ZDHHC16: variants seen among roughly 807,000 people sequenced by gnomAD.
The protein encoded by ZDHHC16 is zDHHC palmitoyltransferase 16.
ZDHHC16 carries 33 observed loss-of-function variants against 54.4 expected under a neutral mutation model. The observed-to-expected ratio is 0.61, with a 90% CI of 0.46 to 0.81. The LOEUF (loss-of-function observed/expected upper bound fraction) is 0.81, where lower values mean the gene tolerates loss of function less well. ZDHHC16 is among the 30% of genes least tolerant of loss of function. The pLI is 0.00. For synonymous variants in ZDHHC16, 185 were observed against 182.1 expected (o/e 1.02, Z -0.13); for missense variants, 420 against 485.9 (o/e 0.86, Z 1.28).
chr10:97,453,626 G>A lies in ZDHHC16; in HGVS notation c.653G>A (p.Ser218Asn). ...GGCTGTGTCTACTGCAGCTATGGAA[G>A]TTGGGACCTTTTCCGGGAGGCTTAT... ...TLGCVYCSYG[S>N]WDLFREAYAA... Residue 218 changes from serine to asparagine, a missense_variant, in exon 7 of 12, where the codon AGT (serine) becomes AAT (asparagine). By Grantham distance (46) the Ser-to-Asn change is conservative. Transcript: ENST00000393760. 2 of 1,614,216 alleles carry A rather than the reference G, an allele frequency of 1.2e-6. No homozygotes were observed. The highest frequency in any genetic ancestry group is 1.7e-6 in the Non-Finnish European group (2 of 1,180,046).
At chr10:97,452,704 A>G in intron 5 of ZDHHC16, 191 bp from the exon 6 acceptor site, 2 of 929,246 alleles carry the variant, frequency 2.2e-6, no homozygotes, top group Non-Finnish European at 3.3e-6. Flanking sequence ...CGAGGTTTGG[A>G]GAGATGAGTT....
intron 5 of ZDHHC16, 195 bp downstream of exon 5, chr10:97,452,698 G>T: frequency 1.1e-6 from 1 of 934,580 alleles, no homozygotes; most frequent in Non-Finnish European, 1.6e-6. Context: ...GAAAACCGAG[G>T]TTTGGAGAGA....
chr10:97,451,550 C>A, intron 2 of ZDHHC16, 121 bp from the exon 3 acceptor site: 2 of 1,378,548 alleles, frequency 1.5e-6, no homozygotes, highest in South Asian at 1.4e-5. Flanking sequence ...CAGTTGGTGA[C>A]TGGCCTAGCT....
chr10:97,452,430 G>A lies in ZDHHC16; in HGVS notation c.454G>A (p.Ala152Thr), dbSNP rs151287328. 1.2e-5 allele frequency: 19 copies of A among 1,613,996 alleles called. No individual in the cohort carries two copies. Among genetic ancestry groups the A allele is most frequent in the Admixed American group, 6.7e-5 (4 of 59,990 alleles). ...GYPPQGRNDI[A>T]TVSICKKCIY... ...CTTCACACAGGGCAGGAATGATATCGCCACCGTCTCCATCTGTAAGAAGTG... is the reference window on the plus strand; with the variant it reads ...CTTCACACAGGGCAGGAATGATATCACCACCGTCTCCATCTGTAAGAAGTG... The change falls in exon 5 of 12, where the codon GCC becomes ACC. Residue 152 changes from alanine (A) to threonine (T), a missense_variant. Physicochemically the swap from Ala to Thr is moderately conservative, Grantham distance 58. Coordinates refer to ENST00000393760, the MANE Select transcript of ZDHHC16 (RefSeq NM_198046.3).
chr10:97,452,945 T>C (rs1285306165), intron 6 of ZDHHC16, 22 bp downstream of exon 6: 1 of 1,614,216 alleles, frequency 6.2e-7, no homozygotes, highest in Admixed American at 1.7e-5. Context: ...CTTTCTCTTC[T>C]GCCTGAGGCC....
chr10:97,454,658 C>T lies in ZDHHC16; in HGVS notation c.739-56C>T, dbSNP rs138470089. The T allele has an allele frequency of 3.5e-5, 50 of 1,447,872 alleles. No individual in the cohort carries two copies. In the African/African-American group the frequency reaches 6.2e-4, roughly 18 times the overall value. The allele number at this position is 1,447,872 out of a possible 1,614,324, so 89.7% of individuals were successfully genotyped here. ...ATTTCCTGCCTATAGGTGCTGGGGG[C>T]AGTTGCTGGAGACCCACAGAGCAAA... On this transcript the variant is annotated intron_variant, in intron 8 of 11. Transcript: ENST00000393760.
chr10:97,450,161 G>A (rs1273425118), intron 1 of ZDHHC16, among the ~76,000 whole-genome samples, 196 bp from the exon 2 acceptor site: 5 of 152,128 alleles, frequency 3.3e-5, no homozygotes, highest in African/African-American at 9.7e-5. Context: ...GTGAGCCACC[G>A]TGCCCGGCCT....
At chr10:97,456,251 G>T (rs1160770474) in intron 11 of ZDHHC16, 2 of 538,300 alleles carry the variant, frequency 3.7e-6, no homozygotes, top group African/African-American at 3.8e-5. Flanking sequence ...GCTTCAACGT[G>T]ACTACAGTGG....
chr10:97,455,932 A>C, intron 10 of ZDHHC16, 42 bp from the exon 11 acceptor site: 1 of 1,613,048 alleles, frequency 6.2e-7, no homozygotes, highest in Non-Finnish European at 8.5e-7. Context: ...ATTTAGTCTG[A>C]AAAATTAGAA....
intron 6 of ZDHHC16, 40 bp downstream of exon 6, chr10:97,452,963 G>A: frequency 6.2e-7 from 1 of 1,614,002 alleles, no homozygotes; most frequent in South Asian, 1.1e-5. Context: ...GCCTTCTTTA[G>A]CTCCAGAGCA....
chr10:97,449,853 C>T (rs898572798), intron 1 of ZDHHC16, among the ~76,000 whole-genome samples: 1 of 123,234 alleles, frequency 8.1e-6, no homozygotes, highest in African/African-American at 3.3e-5. Context: ...TCTACACTCC[C>T]CTTAATTCTT....
At chr10:97,448,177 C>T (rs1308437618) in intron 1 of ZDHHC16, 1 of 152,230 alleles carries the variant, frequency 6.6e-6, no homozygotes, top group Non-Finnish European at 1.5e-5. Context: ...GTATTTCTCT[C>T]TTTATGAATC....
Position 97,451,942 on chromosome 10 carries a change from A to C in ZDHHC16, c.243+24A>C, listed in dbSNP as rs1359540218. On this transcript the variant is annotated intron_variant, in intron 3 of 11. Transcript: ENST00000393760. ...TGGTGAGTGATGTCCAGGGAGCAGG[A>C]AAAGGGGTGTTGTGGGGAGCAGAGG... 3 of 1,598,298 alleles carry C rather than the reference A, an allele frequency of 1.9e-6. No homozygotes were observed. In the East Asian group the frequency reaches 6.7e-5, roughly 36 times the overall value.
chr10:97,451,530 C>CT, intron 2 of ZDHHC16, 141 bp from the exon 3 acceptor site: 1 of 1,178,000 alleles, frequency 8.5e-7, no homozygotes. Context: ...AGTAACCTTC[C>CT]TACTTCTCAC....
In ZDHHC16 at chr10:97,453,866, C is replaced by A; in HGVS notation, c.738+20C>A. On this transcript the variant is annotated intron_variant, in intron 8 of 11. Coordinates refer to ENST00000393760, the MANE Select transcript of ZDHHC16 (RefSeq NM_198046.3). ...AACCAGGTGGGCTGTCCCCACCCCACTGCCTCCTGCTGCTCAGGCCTGGGG... is the reference window on the plus strand; with the variant it reads ...AACCAGGTGGGCTGTCCCCACCCCAATGCCTCCTGCTGCTCAGGCCTGGGG... The A allele has an allele frequency of 6.2e-7, 1 of 1,614,060 alleles. No homozygotes were observed. Among genetic ancestry groups the A allele is most frequent in the Non-Finnish European group, 8.5e-7 (1 of 1,180,002 alleles).
intron 9 of ZDHHC16, among the ~76,000 whole-genome samples, chr10:97,455,294 A>G (rs1220612573): frequency 1.3e-5 from 2 of 152,168 alleles, no homozygotes; most frequent in African/African-American, 2.4e-5. Context: ...ATACAGACTT[A>G]TTTCTCTATT....
Position 97,455,745 on chromosome 10 carries a change from A to C in ZDHHC16, c.910A>C (p.Asn304His), listed in dbSNP as rs776669224. The C allele has an allele frequency of 2.5e-6, 4 of 1,614,184 alleles. No individual in the cohort carries two copies. Among genetic ancestry groups the C allele is most frequent in the South Asian group, 1.1e-5 (1 of 91,084 alleles). Residue 304 changes from asparagine (N) to histidine (H), a missense_variant, in exon 10 of 12, where the codon AAC becomes CAC. By Grantham distance (68) the Asn-to-His change is moderately conservative. Transcript: ENST00000393760. ...RGETSIERHINKKERRRLQAK... is the reference protein window; with the variant it reads ...RGETSIERHIHKKERRRLQAK... ...TGAGACTAGCATCGAAAGGCACATC[A>C]ACAAGAAGGAGAGACGTCGGCTACA...
rs776643609 is a variant in ZDHHC16 at position 97,451,667 on chromosome 10, G to A, written c.-5-4G>A. The A allele has an allele frequency of 2.0e-5, 32 of 1,606,158 alleles. No individual in the cohort carries two copies. The highest frequency in any genetic ancestry group is 2.2e-4 in the Middle Eastern group (1 of 4,476). On this transcript the variant is annotated splice_polypyrimidine_tract_variant and splice_region_variant and intron_variant, in intron 2 of 11. Transcript: ENST00000393760. ...TAGATCCTCACAATGGTGTGCTCTC[G>A]TAGGAACCATGCGAGGCCAGCGGAG... is the stretch of plus-strand genomic sequence containing the variant.
intron 1 of ZDHHC16, among the ~76,000 whole-genome samples, chr10:97,447,854 C>T (rs760001292): frequency 9.9e-5 from 15 of 151,068 alleles, no homozygotes; most frequent in Non-Finnish European, 1.9e-4. Context: ...ACCCAGGAGG[C>T]GGAGGTTGTG....
Sources: allele counts gnomAD v4.1 joint callset (sites outside exome capture counted in the v4.1 genomes callset), GRCh38; gene constraint gnomAD v4.1.1; transcripts MANE v1.5; gene names NCBI Gene and HGNC (gene_info 2026-07-23, HGNC 2026-07-21).